The following CSMD3 variants were observed in gnomAD, a reference collection of about 807,000 sequenced individuals.
CSMD3 encodes the protein CUB and Sushi multiple domains 3.
Under a neutral mutation model 435.2 loss-of-function variants are expected in CSMD3, and 177 were observed. That is an observed-to-expected ratio of 0.41 (90% confidence interval 0.36 to 0.46). The LOEUF (loss-of-function observed/expected upper bound fraction) is 0.46, where lower values mean the gene tolerates loss of function less well. CSMD3 is among the 20% of genes least tolerant of loss of function. The pLI is 0.34. For synonymous variants in CSMD3, 1,656 were observed against 1,520.5 expected, an observed-to-expected ratio of 1.09 and a Z score of -2.07; for missense variants, 4,265 against 4,504.6, an observed-to-expected ratio of 0.95 and a Z score of 1.52.
intron 5 of CSMD3, among the ~76,000 whole-genome samples, chr8:113,063,423 T>G (rs2088704433): frequency 6.6e-6 from 1 of 152,010 alleles, no homozygotes; most frequent in Non-Finnish European, 1.5e-5. Context: ...ATACTAAAAA[T>G]AGCATGCACA....
intron 22 of CSMD3, among the ~76,000 whole-genome samples, chr8:112,613,420 A>G (rs1238367541): frequency 6.6e-6 from 1 of 152,208 alleles, no homozygotes; most frequent in Non-Finnish European, 1.5e-5. Flanking sequence ...AATCATGCAC[A>G]TTTGAAATAC....
At chr8:112,984,805 ATCTT>A (rs1401918425) in intron 6 of CSMD3, among the ~76,000 whole-genome samples, 14 of 152,224 alleles carry the variant, frequency 9.2e-5, no homozygotes, top group African/African-American at 2.6e-4. Flanking sequence ...TTATACATGA[ATCTT>A]TCTAATACCC....
Position 112,587,134 on chromosome 8 carries a change from C to A in CSMD3, c.3817G>T (p.Val1273Phe), listed in dbSNP as rs949630842. The A allele has an allele frequency of 1.2e-6, 2 of 1,610,778 alleles. No individual in the cohort carries two copies. The highest frequency in any genetic ancestry group is 1.7e-6 in the Non-Finnish European group (2 of 1,177,640). ...NNHECIYSIQVQAGKGINISA... is the reference protein window; with the variant it reads ...NNHECIYSIQFQAGKGINISA... ...ATATTGATTCCCTTTCCTGCTTGAA[C>A]CTGAATACTATAAATGCATTCATGG... is the stretch of plus-strand genomic sequence containing the variant. Residue 1273 changes from valine (V) to phenylalanine (F), a missense_variant, in exon 23 of 71, where the codon GTT becomes TTT. Physicochemically the swap from Val to Phe is conservative, Grantham distance 50. This residue lies in a region of CSMD3 where 3,255 missense variants were observed against 3,380.2 expected (regional missense o/e 0.96). Transcript: ENST00000297405.
In CSMD3 at chr8:112,339,628, A is replaced by G. The variant is rs545861198; in HGVS notation, c.6652+1849T>C. Among the ~76,000 whole-genome samples, 49 of 152,328 alleles carry G rather than the reference A, an allele frequency of 3.2e-4. No individual in the cohort carries two copies. In the Middle Eastern group the frequency reaches 0.014, roughly 42 times the overall value. ...GTCACAATCTTGTACCGGTGACAAC[A>G]GGACTTACCAAACCTAATAATCTTG... On this transcript the variant is annotated intron_variant, in intron 42 of 70. Transcript: ENST00000297405.
At chr8:113,195,827 ACACACACACACACCCC>A (rs1316025651) in intron 3 of CSMD3, among the ~76,000 whole-genome samples, 1 of 147,078 alleles carries the variant, frequency 6.8e-6, no homozygotes, top group African/African-American at 2.5e-5. Flanking sequence ...ACACACACAC[ACACACACACACACCCC>A]CACACACACA....
chr8:112,420,646 C>T (rs1212668227), intron 32 of CSMD3, among the ~76,000 whole-genome samples: 1 of 151,948 alleles, frequency 6.6e-6, no homozygotes, highest in Non-Finnish European at 1.5e-5. Flanking sequence ...AGCAGAGAGA[C>T]TAAAATAGGA....
intron 12 of CSMD3, among the ~76,000 whole-genome samples, chr8:112,828,327 A>C (rs1304448514): frequency 2.0e-5 from 3 of 152,314 alleles, no homozygotes; most frequent in Non-Finnish European, 2.9e-5. Flanking sequence ...CCCAAATCTC[A>C]CGTCAAATTG....
intron 1 of CSMD3, among the ~76,000 whole-genome samples, chr8:113,410,513 G>A (rs1215995079): frequency 4.6e-5 from 7 of 151,860 alleles, no homozygotes; most frequent in Admixed American, 3.3e-4. Context: ...AACTCCCATG[G>A]TTCTCTTCCA....
intron 5 of CSMD3, among the ~76,000 whole-genome samples, chr8:113,042,479 G>C (rs2087664255): frequency 1.3e-5 from 2 of 152,088 alleles, no homozygotes; most frequent in African/African-American, 2.4e-5. Context: ...ACATTTTGCA[G>C]AGGTATATTT....
intron 5 of CSMD3, among the ~76,000 whole-genome samples, chr8:113,079,690 A>G (rs1236326066): frequency 6.6e-6 from 1 of 152,162 alleles, no homozygotes; most frequent in African/African-American, 2.4e-5. Context: ...AACAAAACCT[A>G]AATCTTTGAC....
In CSMD3 at chr8:112,587,361, A is replaced by T. The variant is rs1233506970; in HGVS notation, c.3716-126T>A. ...AGCCTAGTAGAAAAATAATATACAG[A>T]ATGGCTTTATGTTGTAAATGATTAA... On this transcript the variant is annotated intron_variant, in intron 22 of 70. Coordinates refer to ENST00000297405, the MANE Select transcript of CSMD3 (RefSeq NM_198123.2). 1.4e-5 allele frequency: 10 copies of T among 702,590 alleles called. No individual in the cohort carries two copies. The Middle Eastern group carries it at 1.2e-3, about 84-fold the overall frequency. 43.5% of individuals were successfully genotyped at this position (702,590 alleles called of 1,614,324 possible). A position where few individuals can be genotyped will look rare whatever the true frequency, so the allele number is the denominator to read the frequency against.
At chr8:112,286,870 G>C (rs1222975348) in intron 58 of CSMD3, among the ~76,000 whole-genome samples, 194 bp downstream of exon 58, 3 of 151,954 alleles carry the variant, frequency 2.0e-5, no homozygotes. Flanking sequence ...TGACCAATGA[G>C]GGTTTTTTAA....
intron 1 of CSMD3, among the ~76,000 whole-genome samples, chr8:113,378,926 A>G (rs1376314193): frequency 2.6e-5 from 4 of 152,214 alleles, no homozygotes; most frequent in African/African-American, 4.8e-5. Context: ...AATGTGCCCC[A>G]AAGCACAATG....
chr8:112,738,488 T>A (rs2077233937), intron 13 of CSMD3, among the ~76,000 whole-genome samples: 1 of 151,794 alleles, frequency 6.6e-6, no homozygotes, highest in African/African-American at 2.4e-5. Context: ...GCAAATGCAA[T>A]TTTATAAATC....
chr8:112,994,892 C>T (rs572992050), intron 6 of CSMD3, among the ~76,000 whole-genome samples: 13 of 151,302 alleles, frequency 8.6e-5, no homozygotes, highest in African/African-American at 3.1e-4. Flanking sequence ...ACCAGTGTTA[C>T]AAAAGTCTTT....
In CSMD3 at chr8:112,386,717, G is replaced by T. The variant is rs1046959484; in HGVS notation, c.5935-3054C>A. ...TTTCACTATGTTAGCCAGGATGGTC[G>T]CTATCTCCTGACCTCGTGATCCGCC... On this transcript the variant is annotated intron_variant, in intron 36 of 70. Coordinates refer to ENST00000297405, the MANE Select transcript of CSMD3 (RefSeq NM_198123.2). Among the ~76,000 whole-genome samples the T allele has an allele frequency of 7.5e-4, 114 of 151,894 alleles. 1 individual carries two copies. In the South Asian group the frequency reaches 8.1e-3, roughly 11 times the overall value.
intron 11 of CSMD3, among the ~76,000 whole-genome samples, chr8:112,830,956 T>G (rs2079854057): frequency 6.6e-6 from 1 of 151,776 alleles, no homozygotes; most frequent in Non-Finnish European, 1.5e-5. Flanking sequence ...CTGGCTAATT[T>G]TTTTGTATTT....
chr8:113,151,249 G>C (rs1265026539), intron 4 of CSMD3, among the ~76,000 whole-genome samples: 1 of 151,846 alleles, frequency 6.6e-6, no homozygotes, highest in Admixed American at 6.6e-5. Flanking sequence ...ATCTTTATGT[G>C]AAATACTATT....
chr8:112,638,213 T>C (rs916443633), intron 21 of CSMD3, among the ~76,000 whole-genome samples: 24 of 148,176 alleles, frequency 1.6e-4, no homozygotes, highest in Non-Finnish European at 1.9e-4. Flanking sequence ...AATTAAAATA[T>C]ATAATTTATT....
Sources: allele counts gnomAD v4.1 joint callset (sites outside exome capture counted in the v4.1 genomes callset), GRCh38; gene constraint gnomAD v4.1.1; regional missense constraint gnomAD v4.1.1; transcripts MANE v1.5; gene names NCBI Gene and HGNC (gene_info 2026-07-23, HGNC 2026-07-21).